Variants in SLC9C1 observed in about 807,000 individuals in gnomAD.
The protein encoded by SLC9C1 is solute carrier family 9 member C1.
Under a neutral mutation model 140.9 loss-of-function variants are expected in SLC9C1, and 97 were observed. That is an observed-to-expected ratio of 0.69 (90% CI 0.58 to 0.82). The LOEUF is 0.82. Ranked by LOEUF, SLC9C1 falls within the 40% of genes least tolerant of loss-of-function variation. SLC9C1 has a pLI of 0.00. For synonymous variants in SLC9C1, 440 were observed against 442.6 expected (o/e 0.99, Z 0.07); for missense variants, 1,340 against 1,389.3 (o/e 0.96, Z 0.56).
At chr3:112,271,423 T>A (rs561748850) in intron 6 of SLC9C1, among the ~76,000 whole-genome samples, 3 of 67,252 alleles carry the variant, frequency 4.5e-5, no homozygotes, top group South Asian at 6.5e-4. Flanking sequence ...AAGCCTCACA[T>A]TGTACCCCAT....
At position 112,179,551 on chromosome 3, in the gene SLC9C1, T is replaced by C. The variant is rs1470402797; in HGVS notation, c.2899A>G (p.Thr967Ala). Residue 967 changes from threonine to alanine, a missense_variant, in exon 23 of 29, where the codon ACC becomes GCC. By Grantham distance (58) the Thr-to-Ala change is moderately conservative. Transcript: ENST00000305815. The part of the protein sequence containing the change: ...LTNEPMKYSA[T>A]CKTVVETCFI... ...CTGACCTCCACTACAGTTTTGCAGG[T>C]GGCAGAATATTTCATAGGTTCATTA... The C allele has an allele frequency of 1.9e-6, 3 of 1,605,426 alleles. No homozygotes were observed. The highest frequency in any genetic ancestry group is 1.1e-5 in the South Asian group (1 of 87,900).
intron 23 of SLC9C1, among the ~76,000 whole-genome samples, chr3:112,179,218 C>T (rs1288102336): frequency 1.3e-5 from 2 of 152,060 alleles, no homozygotes; most frequent in Non-Finnish European, 2.9e-5. Context: ...CTGTCTTTAT[C>T]CCCTTTCTCA....
rs77562933 is a variant in SLC9C1, at chr3:112,270,956, T to C, written c.614-879A>G. Among the ~76,000 whole-genome samples, 704 of 152,308 alleles carry C rather than the reference T, an allele frequency of 4.6e-3. 5 individuals carry two copies. Among genetic ancestry groups the C allele is most frequent in the Non-Finnish European group, 7.9e-3 (539 of 68,024 alleles). The stretch of plus-strand genomic sequence containing the variant: ...CATCAGTGAATGAATAAAGAAAATA[T>C]GGTAAACATATACAATGAAATAGTA... On this transcript the variant is annotated intron_variant, in intron 6 of 28. Coordinates refer to ENST00000305815, the MANE Select transcript of SLC9C1 (RefSeq NM_183061.3).
At chr3:112,216,819 T>C (rs1223840133) in intron 15 of SLC9C1, among the ~76,000 whole-genome samples, 1 of 152,130 alleles carries the variant, frequency 6.6e-6, no homozygotes, top group African/African-American at 2.4e-5. Flanking sequence ...GATCTAGAAC[T>C]AGAAATACCA....
chr3:112,186,623 A>G (rs148894143), intron 20 of SLC9C1, among the ~76,000 whole-genome samples: 2 of 152,376 alleles, frequency 1.3e-5, no homozygotes, highest in African/African-American at 4.8e-5. Context: ...ATTTATTTGA[A>G]AATACAAAAT....
intron 23 of SLC9C1, among the ~76,000 whole-genome samples, chr3:112,175,233 C>A (rs1189750624): frequency 2.0e-5 from 3 of 152,160 alleles, no homozygotes; most frequent in Non-Finnish European, 2.9e-5. Flanking sequence ...CCGCTCCAGT[C>A]CCTAGTCACC....
intron 3 of SLC9C1, 38 bp from the exon 4 acceptor site, chr3:112,278,895 A>G: frequency 6.3e-7 from 1 of 1,582,014 alleles, no homozygotes; most frequent in Non-Finnish European, 8.6e-7. Flanking sequence ...TCATTTATTC[A>G]TCACTATTAG....
chr3:112,262,182 T>A (rs1205159699), intron 10 of SLC9C1, among the ~76,000 whole-genome samples: 1 of 152,014 alleles, frequency 6.6e-6, no homozygotes, highest in Non-Finnish European at 1.5e-5. Context: ...ATCAGGTGTA[T>A]GGTGATGACA....
chr3:112,171,940 T>A (rs1405433796), intron 23 of SLC9C1, among the ~76,000 whole-genome samples: 1 of 152,206 alleles, frequency 6.6e-6, no homozygotes, highest in Non-Finnish European at 1.5e-5. Flanking sequence ...TATTTATGGA[T>A]TCTCTTTTCT....
intron 28 of SLC9C1, among the ~76,000 whole-genome samples, chr3:112,145,833 C>T (rs1318067979): frequency 6.6e-6 from 1 of 151,928 alleles, no homozygotes; most frequent in Non-Finnish European, 1.5e-5. Context: ...CAAGTCTTTC[C>T]TGTGTTGTTC....
At chr3:112,174,308 G>A (rs1043594632) in intron 23 of SLC9C1, among the ~76,000 whole-genome samples, 3 of 152,188 alleles carry the variant, frequency 2.0e-5, no homozygotes, top group Non-Finnish European at 2.9e-5. Context: ...GGTGGGTTGT[G>A]TGTACTGTTG....
chr3:112,244,148 A>G, intron 10 of SLC9C1, 72 bp from the exon 11 acceptor site: 1 of 903,466 alleles, frequency 1.1e-6, no homozygotes, highest in Non-Finnish European at 1.6e-6. Context: ...TTACCAATAT[A>G]AATTAAGCTA....
chr3:112,239,584 GC>G (rs1382833268), intron 12 of SLC9C1, among the ~76,000 whole-genome samples: 1 of 152,090 alleles, frequency 6.6e-6, no homozygotes, highest in Non-Finnish European at 1.5e-5. Flanking sequence ...TTCCTATTTG[GC>G]CATCTTGGAA....
chr3:112,261,742 A>G (rs2079778507), intron 10 of SLC9C1, among the ~76,000 whole-genome samples: 2 of 152,098 alleles, frequency 1.3e-5, no homozygotes, highest in African/African-American at 2.4e-5. Flanking sequence ...TAATTTCATC[A>G]TCAGAGCTTG....
At chr3:112,190,042 ATTTGTGTATATG>A (rs2077621217) in intron 20 of SLC9C1, among the ~76,000 whole-genome samples, 3 of 151,964 alleles carry the variant, frequency 2.0e-5, no homozygotes, top group Admixed American at 6.6e-5. Flanking sequence ...TTTGTCTGTT[ATTTGTGTATATG>A]AATGCTTGTG....
At chr3:112,205,118 G>A (rs1437625479) in intron 16 of SLC9C1, among the ~76,000 whole-genome samples, 1 of 152,044 alleles carries the variant, frequency 6.6e-6, no homozygotes, top group Non-Finnish European at 1.5e-5. Flanking sequence ...ATTTGTCCCT[G>A]TTTGCAGATG....
intron 23 of SLC9C1, among the ~76,000 whole-genome samples, chr3:112,174,332 A>C (rs1241615700): frequency 6.6e-6 from 1 of 151,864 alleles, no homozygotes; most frequent in East Asian, 1.9e-4. Flanking sequence ...TGACCTTAGG[A>C]TTTTTCATGC....
rs538715168 is a variant in SLC9C1 at position 112,213,057 on chromosome 3, T to A, written c.1790+4385A>T. The stretch of plus-strand genomic sequence containing the variant: ...AGACAATGGGGGCCAATATTCAACA[T>A]TCTTAAAGAAAAGAATTTTCAACCC... On this transcript the variant is annotated intron_variant, in intron 15 of 28. Coordinates refer to ENST00000305815, the MANE Select transcript of SLC9C1 (RefSeq NM_183061.3). Among the ~76,000 whole-genome samples the A allele has an allele frequency of 2.6e-5, 4 of 152,342 alleles. No homozygotes were observed. In the South Asian group the frequency reaches 8.3e-4, roughly 32 times the overall value.
chr3:112,236,028 A>G (rs1415623434), intron 12 of SLC9C1, among the ~76,000 whole-genome samples: 1 of 152,150 alleles, frequency 6.6e-6, no homozygotes, highest in Non-Finnish European at 1.5e-5. Flanking sequence ...TGATTGGAAT[A>G]GTTTCAGAAG....
Sources: allele counts gnomAD v4.1 joint callset (sites outside exome capture counted in the v4.1 genomes callset), GRCh38; gene constraint gnomAD v4.1.1; transcripts MANE v1.5; gene names NCBI Gene and HGNC (gene_info 2026-07-23, HGNC 2026-07-21).